The following PGAP2 variants were observed in gnomAD, a reference collection of about 807,000 sequenced individuals.
The protein encoded by PGAP2 is acyltransferase PGAP2.
A neutral mutation model predicts 33.2 loss-of-function variants in PGAP2; 21 were observed. That is an observed-to-expected ratio of 0.63 (90% CI 0.45 to 0.91). The LOEUF (loss-of-function observed/expected upper bound fraction) is 0.91, where lower values mean the gene tolerates loss of function less well. Ranked by LOEUF, PGAP2 falls within the 40% of genes least tolerant of loss-of-function variation. PGAP2 has a pLI of 0.00. For synonymous variants in PGAP2, 161 were observed against 172.9 expected, an observed-to-expected ratio of 0.93 and a Z score of 0.54; for missense variants, 345 against 424.0, an observed-to-expected ratio of 0.81 and a Z score of 1.64.
rs557257020 is a variant in PGAP2 at position 3,815,527 on chromosome 11, C to T, written c.166-1826C>T. Reference sequence around the variant, plus strand: ...GTTTCACTGTGTTACCCAGGCTGGTCTCGAACTCCTGACCTCAGGCAATCC... The same window carrying T: ...GTTTCACTGTGTTACCCAGGCTGGTTTCGAACTCCTGACCTCAGGCAATCC... On this transcript the variant is annotated intron_variant, in intron 2 of 6. Coordinates refer to ENST00000278243, the MANE Select transcript of PGAP2 (RefSeq NM_014489.4). Among the ~76,000 whole-genome samples the T allele has an allele frequency of 5.9e-5, 9 of 152,286 alleles. No homozygotes were observed. The East Asian group carries it at 1.7e-3, about 29-fold the overall frequency.
rs1464872346 is a variant in PGAP2 at position 3,797,969 on chromosome 11, C to T, written c.126C>T (p.Ala42=). Residue 42 remains alanine (A), a synonymous_variant, in exon 1 of 7, where the codon GCC becomes GCT. Coordinates refer to the PGAP2 transcript ENST00000300730. ...AGCTCGGGCCAATCAGAGGGACGGC[C>T]CCAGAATGGCATGGTAACTATTCGA... The T allele has an allele frequency of 1.9e-6, 3 of 1,547,022 alleles. No individual in the cohort carries two copies. In the East Asian group the frequency reaches 7.5e-5, roughly 39 times the overall value.
chr11:3,814,377 CT>C (rs1258880621), intron 2 of PGAP2, among the ~76,000 whole-genome samples: 1 of 152,180 alleles, frequency 6.6e-6, no homozygotes, highest in Non-Finnish European at 1.5e-5. Context: ...CTGCCTCAGC[CT>C]CCTGAGTAGC....
Position 3,822,135 on chromosome 11 carries a change from T to C in PGAP2, c.349-1748T>C, listed in dbSNP as rs1303921802. ...ATTCCAGCACTTTGGGAGGCCGAGG[T>C]GGGCGGATCACGAGGTCAGGAGATT... On this transcript the variant is annotated intron_variant, in intron 3 of 6. Coordinates refer to ENST00000278243, the MANE Select transcript of PGAP2 (RefSeq NM_014489.4). Among the ~76,000 whole-genome samples the C allele has an allele frequency of 8.2e-5, 12 of 146,474 alleles. No homozygotes were observed. The East Asian group carries it at 1.2e-3, about 15-fold the overall frequency.
At chr11:3,819,310 G>A (rs2087927038) in intron 3 of PGAP2, among the ~76,000 whole-genome samples, 1 of 152,148 alleles carries the variant, frequency 6.6e-6, no homozygotes, top group Non-Finnish European at 1.5e-5. Flanking sequence ...TCTGAGTGGA[G>A]AACAGCTTTA....
chr11:3,808,478 G>C, upstream of PGAP2: 1 of 1,443,618 alleles, frequency 6.9e-7, no homozygotes, highest in East Asian at 2.7e-5. Context: ...GGGGTCTCCA[G>C]AAGCGGGGAG....
At chr11:3,806,992 G>C (rs1590172303), upstream of PGAP2, among the ~76,000 whole-genome samples, 2 of 150,596 alleles carry the variant, frequency 1.3e-5, no homozygotes, top group Non-Finnish European at 3.0e-5. Context: ...CTGCACTCTA[G>C]CCTGGGTGAC....
intron 2 of PGAP2, 86 bp from the exon 3 acceptor site, chr11:3,817,267 C>G (rs2087256657): frequency 2.0e-6 from 2 of 1,018,718 alleles, no homozygotes; most frequent in Non-Finnish European, 3.0e-6. Context: ...TCCTTATACT[C>G]TGAGGAGCCA....
intron 1 of PGAP2, among the ~76,000 whole-genome samples, chr11:3,810,528 G>T (rs971470884): frequency 6.6e-6 from 1 of 152,196 alleles, no homozygotes; most frequent in Non-Finnish European, 1.5e-5. Flanking sequence ...TCACAGGAGG[G>T]TGATGTGGAC....
At chr11:3,815,673 T>C (rs2086845404) in intron 2 of PGAP2, among the ~76,000 whole-genome samples, 1 of 152,216 alleles carries the variant, frequency 6.6e-6, no homozygotes, top group African/African-American at 2.4e-5. Flanking sequence ...GGTATAGAAC[T>C]CCAGGTGGCC....
intron 3 of PGAP2, among the ~76,000 whole-genome samples, chr11:3,820,284 C>T (rs932444133): frequency 1.3e-5 from 2 of 152,154 alleles, no homozygotes; most frequent in Non-Finnish European, 2.9e-5. Context: ...TAGCTCACAG[C>T]GTTTTTGCAT....
rs2089528069 is a variant in PGAP2 at position 3,824,104 on chromosome 11, G to A, written c.570G>A (p.Val190=). 6.2e-7 allele frequency: 1 copy of A among 1,614,174 alleles called. No individual in the cohort carries two copies. The highest frequency in any genetic ancestry group is 1.1e-5 in the South Asian group (1 of 91,072). Reference sequence around the variant, plus strand: ...TCGTGGAGAACCTCGCGTTGCTAGTGCTCACTTATGTCTCCTCCTCCGAGG... The same window carrying A: ...TCGTGGAGAACCTCGCGTTGCTAGTACTCACTTATGTCTCCTCCTCCGAGG... ...LNVVENLALL[V]LTYVSSSEDF... The change falls in exon 4 of 7, where the codon GTG becomes GTA. Residue 190 remains valine, a synonymous_variant. Coordinates refer to ENST00000278243, the MANE Select transcript of PGAP2 (RefSeq NM_014489.4).
At position 3,826,012 on chromosome 11, in the gene PGAP2, G is replaced by C. The variant is rs938208388; in HGVS notation, c.*554G>C. The C allele has an allele frequency of 6.5e-6, 1 of 154,376 alleles. No individual in the cohort carries two copies. The highest frequency in any genetic ancestry group is 6.4e-5 in the Admixed American group (1 of 15,700). 9.6% of individuals were successfully genotyped at this position (154,376 alleles called of 1,614,324 possible). On this transcript the variant is annotated 3_prime_UTR_variant, in exon 7 of 7. Coordinates refer to ENST00000278243, the MANE Select transcript of PGAP2 (RefSeq NM_014489.4). ...ATGTACCCTTCCCCATCTGAGCCTCGGTGTGTCCATGTGTCTGGCGGGGGA... is the reference window on the plus strand; with the variant it reads ...ATGTACCCTTCCCCATCTGAGCCTCCGTGTGTCCATGTGTCTGGCGGGGGA...
Position 3,826,349 on chromosome 11 carries a change from C to CCAA in PGAP2, c.*894_*896dup, listed in dbSNP as rs2090017675. ...AAGGAAAATAAATTTTTTTTTTGGG[C>CCAA]CAACAGTTGCCTAGGCTTGCTAGTC... is the stretch of plus-strand genomic sequence containing the variant. On this transcript the variant is annotated 3_prime_UTR_variant, in exon 7 of 7. Coordinates refer to ENST00000278243, the MANE Select transcript of PGAP2 (RefSeq NM_014489.4). 6.6e-6 allele frequency: 1 copy of CCAA among 151,574 alleles called. No individual in the cohort carries two copies. The highest frequency in any genetic ancestry group is 6.6e-5 in the Admixed American group (1 of 15,228). 9.4% of individuals were successfully genotyped at this position (151,574 alleles called of 1,614,324 possible). A position where few individuals can be genotyped will look rare whatever the true frequency, so the allele number is the denominator to read the frequency against.
intron 2 of PGAP2, chr11:3,816,235 C>T (rs564820529): frequency 1.3e-5 from 2 of 152,872 alleles, no homozygotes; most frequent in East Asian, 1.9e-4. Flanking sequence ...ACCCAAGACC[C>T]GGATTCTTCA....
intron 2 of PGAP2, among the ~76,000 whole-genome samples, chr11:3,816,754 G>T (rs892493147): frequency 6.6e-6 from 1 of 152,184 alleles, no homozygotes; most frequent in African/African-American, 2.4e-5. Flanking sequence ...ATTGAAATAG[G>T]CTCTGGGGCA....
intron 1 of PGAP2, among the ~76,000 whole-genome samples, chr11:3,808,997 G>C (rs897163091): frequency 6.6e-6 from 1 of 152,198 alleles, no homozygotes; most frequent in Non-Finnish European, 1.5e-5. Context: ...CCTTGGCCTT[G>C]AGTAAGTGTT....
chr11:3,824,873 C>G (rs907488761), intron 5 of PGAP2, 147 bp from the exon 6 acceptor site: 3 of 1,462,104 alleles, frequency 2.1e-6, no homozygotes, highest in Admixed American at 2.7e-5. Context: ...AGTCGTCATT[C>G]TTGCTGCCCC....
intron 3 of PGAP2, among the ~76,000 whole-genome samples, chr11:3,822,484 C>T (rs142636107): frequency 5.9e-4 from 89 of 152,114 alleles, no homozygotes; most frequent in African/African-American, 2.0e-3. Flanking sequence ...CAGCATGGGA[C>T]ACATGACGAA....
At chr11:3,820,950 A>C (rs2088472995) in intron 3 of PGAP2, among the ~76,000 whole-genome samples, 1 of 152,228 alleles carries the variant, frequency 6.6e-6, no homozygotes, top group Admixed American at 6.5e-5. Context: ...CCCAGCTAAT[A>C]AAGGCAGAGC....
Sources: allele counts gnomAD v4.1 joint callset (sites outside exome capture counted in the v4.1 genomes callset), GRCh38; gene constraint gnomAD v4.1.1; transcripts MANE v1.5; gene names NCBI Gene and HGNC (gene_info 2026-07-23, HGNC 2026-07-21).